The following GHR variants were observed in gnomAD, a reference collection of about 807,000 sequenced individuals.
GHR encodes the protein growth hormone receptor, also known as GH receptor.
GHR carries 35 observed loss-of-function variants against 67.1 expected under a neutral mutation model. That is an observed-to-expected ratio of 0.52 (90% CI 0.40 to 0.69). GHR has a LOEUF of 0.69. GHR is among the 30% of genes least tolerant of loss of function. The pLI is 0.00. For synonymous variants in GHR, 272 were observed against 269.1 expected, an observed-to-expected ratio of 1.01 and a Z score of -0.10; for missense variants, 792 against 764.6, an observed-to-expected ratio of 1.04 and a Z score of -0.42.
chr5:42,604,457 A>G (rs1477643851), intron 2 of GHR, among the ~76,000 whole-genome samples: 1 of 152,222 alleles, frequency 6.6e-6, no homozygotes, highest in African/African-American at 2.4e-5. Context: ...ACCTACAATC[A>G]GACAAAGTAG....
intron 1 of GHR, among the ~76,000 whole-genome samples, chr5:42,496,461 A>C (rs535876985): frequency 1.3e-5 from 2 of 152,292 alleles, no homozygotes; most frequent in East Asian, 3.9e-4. Context: ...ATCTATATCA[A>C]GATGAAGATC....
At chr5:42,442,659 T>C (rs942814735) in intron 1 of GHR, among the ~76,000 whole-genome samples, 1 of 152,220 alleles carries the variant, frequency 6.6e-6, no homozygotes, top group Non-Finnish European at 1.5e-5. Context: ...CAATTAAATC[T>C]GTATTTCTGG....
chr5:42,636,428 AG>A (rs1754197672), intron 3 of GHR, among the ~76,000 whole-genome samples: 1 of 152,192 alleles, frequency 6.6e-6, no homozygotes, highest in Non-Finnish European at 1.5e-5. Flanking sequence ...AACTCTTGAA[AG>A]TTAAAGCATC....
At chr5:42,716,852 C>T (rs1001114310) in intron 8 of GHR, among the ~76,000 whole-genome samples, 37 of 152,210 alleles carry the variant, frequency 2.4e-4, no homozygotes, top group South Asian at 8.3e-4. Context: ...ACTGGACTGA[C>T]CATTCACACT....
At chr5:42,686,934 G>A (rs954248245) in intron 3 of GHR, among the ~76,000 whole-genome samples, 18 of 152,114 alleles carry the variant, frequency 1.2e-4, no homozygotes, top group South Asian at 2.1e-4. Context: ...AAACCCCATC[G>A]TCTCAGCCCA....
intron 1 of GHR, among the ~76,000 whole-genome samples, chr5:42,555,177 T>C (rs1340423705): frequency 6.6e-6 from 1 of 152,194 alleles, no homozygotes; most frequent in Non-Finnish European, 1.5e-5. Flanking sequence ...CCCCATGTCA[T>C]GGAGAGAGCA....
chr5:42,468,759 G>C (rs1744858341), intron 1 of GHR: 1 of 1,063,442 alleles, frequency 9.4e-7, no homozygotes, highest in Admixed American at 1.8e-5. Flanking sequence ...CTTTTTTCTT[G>C]TTCTCTCCTG....
At chr5:42,617,253 AGAAG>A (rs1435983164) in intron 2 of GHR, among the ~76,000 whole-genome samples, 1 of 151,186 alleles carries the variant, frequency 6.6e-6, no homozygotes, top group Admixed American at 6.6e-5. Context: ...AAAAAAAAAA[AGAAG>A]AAGAAGACTA....
intron 1 of GHR, among the ~76,000 whole-genome samples, chr5:42,451,702 C>A (rs376847623): frequency 9.6e-4 from 118 of 122,858 alleles, no homozygotes; most frequent in South Asian, 1.2e-3. Context: ...AAGACTCTGT[C>A]AAAAAAAAAA....
chr5:42,650,770 G>GGCT (rs1208925214), intron 3 of GHR, among the ~76,000 whole-genome samples: 1 of 151,998 alleles, frequency 6.6e-6, no homozygotes, highest in Non-Finnish European at 1.5e-5. Flanking sequence ...TGTTATAATT[G>GGCT]TTGCTGCCCT....
Position 42,548,482 on chromosome 5 carries a change from CA to C in GHR, c.-11-17380del, listed in dbSNP as rs1256863465. On this transcript the variant is annotated intron_variant, in intron 1 of 9. Transcript: ENST00000230882. ...TTCTTGATATAAAGCCTGGAGGAAA[CA>C]ATACGAAAATCCAGCCTCTATTTCA... The C allele has an allele frequency of 9.1e-6, 9 of 984,900 alleles. No homozygotes were observed. The East Asian group carries it at 1.0e-3, about 112-fold the overall frequency. 61.0% of individuals were successfully genotyped at this position (984,900 alleles called of 1,614,324 possible).
intron 1 of GHR, among the ~76,000 whole-genome samples, chr5:42,505,127 T>TG (rs1746709525): frequency 6.6e-6 from 1 of 151,602 alleles, no homozygotes. Flanking sequence ...TGACTGTTTT[T>TG]TTTTTTTTTT....
At chr5:42,685,589 A>C (rs1318457387) in intron 3 of GHR, among the ~76,000 whole-genome samples, 1 of 152,082 alleles carries the variant, frequency 6.6e-6, no homozygotes, top group African/African-American at 2.4e-5. Context: ...ATTTCTCCAC[A>C]TCCTCTCCAG....
chr5:42,513,369 A>G (rs1344533315), intron 1 of GHR, among the ~76,000 whole-genome samples: 1 of 152,176 alleles, frequency 6.6e-6, no homozygotes, highest in East Asian at 1.9e-4. Context: ...TCTCTCCCAT[A>G]TAGAGGCCGG....
At chr5:42,447,252 A>T (rs921834353) in intron 1 of GHR, among the ~76,000 whole-genome samples, 1 of 152,184 alleles carries the variant, frequency 6.6e-6, no homozygotes, top group Non-Finnish European at 1.5e-5. Flanking sequence ...TCACCCAAGC[A>T]GTATACACTG....
intron 1 of GHR, 56 bp from the exon 2 acceptor site, chr5:42,565,808 T>G: frequency 4.3e-6 from 7 of 1,613,534 alleles, no homozygotes; most frequent in Non-Finnish European, 5.9e-6. Flanking sequence ...CAGTATTTCA[T>G]GATAATGGTC....
At chr5:42,478,464 T>C (rs1219492132) in intron 1 of GHR, among the ~76,000 whole-genome samples, 1 of 152,194 alleles carries the variant, frequency 6.6e-6, no homozygotes, top group Non-Finnish European at 1.5e-5. Flanking sequence ...AATCTATAAA[T>C]TACCTTGGGC....
chr5:42,599,338 G>A (rs1752242849), intron 2 of GHR, among the ~76,000 whole-genome samples: 1 of 145,042 alleles, frequency 6.9e-6, no homozygotes, highest in Admixed American at 6.9e-5. Context: ...TCATGGGCAT[G>A]TTGTTTGGCC....
chr5:42,466,231 C>T (rs1359653614), intron 1 of GHR, among the ~76,000 whole-genome samples: 2 of 152,140 alleles, frequency 1.3e-5, no homozygotes, highest in African/African-American at 4.8e-5. Flanking sequence ...ATGGTCAGAA[C>T]AGACTCAACA....
Sources: gnomAD v4.1 joint callset for allele counts (sites outside exome capture counted in the v4.1 genomes callset) on GRCh38, gnomAD v4.1.1 for gene constraint, MANE v1.5 for transcripts, NCBI Gene and HGNC (gene_info 2026-07-23, HGNC 2026-07-21) for gene names.